GRIK1: variants seen among roughly 807,000 people sequenced by gnomAD.
GRIK1 encodes glutamate ionotropic receptor kainate type subunit 1.
A neutral mutation model predicts 105.7 loss-of-function variants in GRIK1; 69 were observed. The ratio of observed to expected loss-of-function variants is 0.65; its 90% CI spans 0.54 to 0.80. The LOEUF (loss-of-function observed/expected upper bound fraction) is 0.80. Ranked by LOEUF, GRIK1 falls within the 30% of genes least tolerant of loss-of-function variation. The pLI is 0.00. For missense variants in GRIK1, 1,109 were observed against 1,167.3 expected (o/e 0.95, Z 0.73); for synonymous variants, 438 against 431.3 (o/e 1.02, Z -0.19).
At chr21:29,701,380 A>G (rs2063809372) in intron 1 of GRIK1, among the ~76,000 whole-genome samples, 1 of 152,200 alleles carries the variant, frequency 6.6e-6, no homozygotes, top group Admixed American at 6.5e-5. Flanking sequence ...TACTGGGAGA[A>G]GAGCGTTACA....
intron 7 of GRIK1, among the ~76,000 whole-genome samples, chr21:29,619,604 A>G (rs1246037847): frequency 6.6e-6 from 1 of 152,216 alleles, no homozygotes; most frequent in African/African-American, 2.4e-5. Flanking sequence ...GTAACCAAAT[A>G]CCACCTGTTC....
intron 1 of GRIK1, among the ~76,000 whole-genome samples, chr21:29,936,438 T>C (rs994653669): frequency 3.3e-5 from 5 of 152,232 alleles, no homozygotes; most frequent in African/African-American, 1.2e-4. Flanking sequence ...AAGATATTTG[T>C]GATTGTGAAG....
chr21:29,562,423 G>A (rs1051719792), intron 14 of GRIK1, among the ~76,000 whole-genome samples: 1 of 152,208 alleles, frequency 6.6e-6, no homozygotes, highest in Non-Finnish European at 1.5e-5. Context: ...GGGAGGCCGA[G>A]GTGGGCAGAT....
chr21:29,745,783 A>C (rs2065033671), intron 1 of GRIK1, among the ~76,000 whole-genome samples: 2 of 152,214 alleles, frequency 1.3e-5, no homozygotes, highest in Admixed American at 1.3e-4. Context: ...TCAAAGCAAC[A>C]TTTTTAAACT....
At chr21:29,731,701 C>A (rs1025419530) in intron 1 of GRIK1, among the ~76,000 whole-genome samples, 1 of 152,176 alleles carries the variant, frequency 6.6e-6, no homozygotes, top group Non-Finnish European at 1.5e-5. Flanking sequence ...AATTAGAACA[C>A]GAACCAGATG....
chr21:29,615,373 A>C (rs147022485), intron 7 of GRIK1, among the ~76,000 whole-genome samples: 229 of 147,828 alleles, frequency 1.5e-3, no homozygotes, highest in African/African-American at 5.8e-3. Context: ...GCAATGGCAC[A>C]ATCTCTGCTC....
At chr21:29,628,954 GA>G (rs2062195015) in intron 7 of GRIK1, among the ~76,000 whole-genome samples, 2 of 152,248 alleles carry the variant, frequency 1.3e-5, no homozygotes, top group South Asian at 2.1e-4. Flanking sequence ...CTGGTTGAGT[GA>G]GATATTATAT....
At chr21:29,609,749 AGACTG>A (rs2061692491) in intron 7 of GRIK1, among the ~76,000 whole-genome samples, 1 of 152,176 alleles carries the variant, frequency 6.6e-6, no homozygotes, top group Non-Finnish European at 1.5e-5. Flanking sequence ...CTTCGGACTC[AGACTG>A]AATTACACCA....
At chr21:29,560,400 C>CTTTCTTTCTCTTTCTTT (rs1601112863) in intron 15 of GRIK1, among the ~76,000 whole-genome samples, 2 of 67,098 alleles carry the variant, frequency 3.0e-5, no homozygotes, top group African/African-American at 1.9e-4. Flanking sequence ...TTCCTTCCTT[C>CTTTCTTTCTCTTTCTTT]CTTTCTTTCT....
intron 1 of GRIK1, among the ~76,000 whole-genome samples, chr21:29,880,006 C>T (rs747144791): frequency 1.6e-4 from 24 of 152,120 alleles, no homozygotes; most frequent in Non-Finnish European, 3.5e-4. Flanking sequence ...TCCCTGAAGC[C>T]CCTGGGGGCC....
chr21:29,879,761 G>A (rs1273774492), intron 1 of GRIK1, among the ~76,000 whole-genome samples: 1 of 152,060 alleles, frequency 6.6e-6, no homozygotes, highest in Non-Finnish European at 1.5e-5. Flanking sequence ...AAAAGAAAGA[G>A]GATAATAAGG....
chr21:29,747,644 T>C (rs574832755), intron 1 of GRIK1, among the ~76,000 whole-genome samples: 2 of 152,024 alleles, frequency 1.3e-5, no homozygotes, highest in East Asian at 1.9e-4. Flanking sequence ...TCCTGGCCAA[T>C]ATGGTGAAAC....
chr21:29,728,246 C>T (rs1377277199), intron 1 of GRIK1, among the ~76,000 whole-genome samples: 1 of 152,188 alleles, frequency 6.6e-6, no homozygotes, highest in Non-Finnish European at 1.5e-5. Flanking sequence ...ATAGCATCCA[C>T]ACAATTATAT....
rs116685494 is a variant in GRIK1 at position 29,551,383 on chromosome 21, A to C, written c.2607+3669T>G. Among the ~76,000 whole-genome samples the C allele has an allele frequency of 8.2e-3, 1,256 of 152,310 alleles. 23 individuals are homozygous for C. The highest frequency in any genetic ancestry group is 0.029 in the African/African-American group (1,187 of 41,568). On this transcript the variant is annotated intron_variant, in intron 16 of 17. Coordinates refer to ENST00000327783, the MANE Select transcript of GRIK1 (RefSeq NM_001330994.2). Reference sequence around the variant, plus strand: ...GAAATTGAGACTGAGAAGTTTGGTAACTTGCCTGCAGTCATTCAGCATGTG... The same window carrying C: ...GAAATTGAGACTGAGAAGTTTGGTACCTTGCCTGCAGTCATTCAGCATGTG...
intron 16 of GRIK1, among the ~76,000 whole-genome samples, chr21:29,538,539 A>T (rs73348536): frequency 0.011 from 1,666 of 152,184 alleles, 32 homozygotes; most frequent in African/African-American, 0.038. Flanking sequence ...GAACACTTAG[A>T]CATTTTTAAG....
chr21:29,840,330 T>C (rs1463025559), intron 1 of GRIK1, among the ~76,000 whole-genome samples: 1 of 152,224 alleles, frequency 6.6e-6, no homozygotes, highest in African/African-American at 2.4e-5. Context: ...ACTTTTGTCT[T>C]GCAGATTATT....
At position 29,553,530 on chromosome 21, in the gene GRIK1, A is replaced by G; in HGVS notation, c.2607+1522T>C. 7 of 1,482,682 alleles carry G rather than the reference A, an allele frequency of 4.7e-6. No homozygotes were observed. In the African/African-American group the frequency reaches 5.9e-5, roughly 13 times the overall value. 91.8% of individuals were successfully genotyped at this position (1,482,682 alleles called of 1,614,324 possible). ...AGCAAAAACATTTTCTACTGGGCAC[A>G]TCTTTTTTTTTTTTTTTAAACTGAT... On this transcript the variant is annotated intron_variant, in intron 16 of 17. Transcript: ENST00000327783.
intron 1 of GRIK1, among the ~76,000 whole-genome samples, chr21:29,696,861 A>C (rs2063712089): frequency 6.6e-6 from 1 of 152,202 alleles, no homozygotes. Flanking sequence ...AGGAAACAGA[A>C]ATTCTGAATT....
intron 1 of GRIK1, among the ~76,000 whole-genome samples, chr21:29,701,166 T>G (rs1198234904): frequency 6.6e-6 from 1 of 152,218 alleles, no homozygotes. Flanking sequence ...GTAAGATGCC[T>G]AGACAGATAC....
Sources: gnomAD v4.1 joint callset for allele counts (sites outside exome capture counted in the v4.1 genomes callset) on GRCh38, gnomAD v4.1.1 for gene constraint, MANE v1.5 for transcripts, NCBI Gene and HGNC (gene_info 2026-07-23, HGNC 2026-07-21) for gene names.